Variants in CNTRL observed in about 807,000 individuals in gnomAD.
CNTRL encodes 110 kDa centrosomal protein.
In CNTRL, 233 loss-of-function variants were observed where a neutral mutation model predicts 303.7. That is an observed-to-expected ratio of 0.77 (90% CI 0.69 to 0.86). The LOEUF (loss-of-function observed/expected upper bound fraction) is 0.86, where lower values mean the gene tolerates loss of function less well. Ranked by LOEUF, CNTRL falls within the 40% of genes least tolerant of loss-of-function variation. The pLI is 0.00. For missense variants in CNTRL, 2,524 were observed against 2,650.6 expected (o/e 0.95, Z 1.05); for synonymous variants, 900 against 922.2 (o/e 0.98, Z 0.44).
chr9:121,146,470 T>C (rs2051862999), intron 23 of CNTRL, among the ~76,000 whole-genome samples: 1 of 152,196 alleles, frequency 6.6e-6, no homozygotes, highest in Non-Finnish European at 1.5e-5. Context: ...CGGTATGTGT[T>C]AGGGTCCTTG....
In CNTRL at chr9:121,107,828, C is replaced by A; in HGVS notation, c.835C>A (p.Leu279Ile). ...AGAGGTAGAAAGACTGGAAAGAGACCTAGAAAAAAAGATGATAGAAACTGA... is the reference window on the plus strand; with the variant it reads ...AGAGGTAGAAAGACTGGAAAGAGACATAGAAAAAAAGATGATAGAAACTGA... The part of the protein sequence containing the change: ...LEEVERLERD[L>I]EKKMIETEEL... The change falls in exon 8 of 44, where the codon CTA becomes ATA. Residue 279 changes from leucine (L) to isoleucine (I), a missense_variant. Transcript: ENST00000373855. The A allele has an allele frequency of 2.5e-6, 4 of 1,580,684 alleles. No individual in the cohort carries two copies. Among genetic ancestry groups the A allele is most frequent in the South Asian group, 1.2e-5 (1 of 84,108 alleles).
chr9:121,165,671 A>G (rs1428861421), intron 35 of CNTRL, among the ~76,000 whole-genome samples: 1 of 152,222 alleles, frequency 6.6e-6, no homozygotes, highest in African/African-American at 2.4e-5. Context: ...CTCATTTGTA[A>G]ATAAGGAAAC....
intron 21 of CNTRL, 53 bp downstream of exon 21, chr9:121,145,012 A>G: frequency 6.8e-7 from 1 of 1,461,188 alleles, no homozygotes; most frequent in South Asian, 1.1e-5. Flanking sequence ...ATCAGTTCCT[A>G]AAAGACAAAA....
chr9:121,159,153 GTGT>G, intron 31 of CNTRL, 134 bp downstream of exon 31: 1 of 886,250 alleles, frequency 1.1e-6, no homozygotes, highest in South Asian at 1.8e-5. Context: ...AATCAGTTTG[GTGT>G]TGTTACATAT....
At chr9:121,161,804 G>T in intron 32 of CNTRL, 52 bp from the exon 33 acceptor site, 1 of 1,344,494 alleles carries the variant, frequency 7.4e-7, no homozygotes, top group Non-Finnish European at 1.0e-6. Flanking sequence ...TTTTGTAAAT[G>T]TTTTCCAAGT....
At chr9:121,152,121 C>T in intron 25 of CNTRL, 1 of 195,568 alleles carries the variant, frequency 5.1e-6, no homozygotes, top group Non-Finnish European at 1.1e-5. Flanking sequence ...CTTCAAAACC[C>T]AGGCAAAACA....
chr9:121,177,103 G>A (rs540789450), intron 43 of CNTRL, 60 bp from the exon 44 acceptor site: 113 of 1,395,932 alleles, frequency 8.1e-5, no homozygotes, highest in Non-Finnish European at 1.1e-4. Context: ...CCATCACTTA[G>A]TTAAGACTGT....
chr9:121,136,492 T>C (rs2051202854), intron 15 of CNTRL, among the ~76,000 whole-genome samples: 1 of 152,048 alleles, frequency 6.6e-6, no homozygotes, highest in South Asian at 2.1e-4. Context: ...TGTATGTTAG[T>C]AGAGATGGGG....
At chr9:121,122,306 T>A (rs771785161) in intron 12 of CNTRL, 33 of 611,858 alleles carry the variant, frequency 5.4e-5, no homozygotes, top group Non-Finnish European at 6.3e-5. Context: ...TTTGGGAGTG[T>A]AGGGAAAAGA....
intron 19 of CNTRL, among the ~76,000 whole-genome samples, chr9:121,142,749 C>T (rs913439626): frequency 6.6e-6 from 1 of 152,150 alleles, no homozygotes; most frequent in African/African-American, 2.4e-5. Context: ...AAGTGTCTTG[C>T]TCTGATCATA....
At chr9:121,101,532 G>C (rs1293456047) in intron 7 of CNTRL, among the ~76,000 whole-genome samples, 1 of 151,904 alleles carries the variant, frequency 6.6e-6, no homozygotes, top group Non-Finnish European at 1.5e-5. Flanking sequence ...CTAGCAGAAG[G>C]CAAGATACAA....
Position 121,164,994 on chromosome 9 carries a change from A to AGTCTTCT in CNTRL, c.5475_5476insGTCTTCT (p.Lys1826ValfsTer3). ...GCAAAATGGAGCAATCAAACTTAGA[A>AGTCTTCT]AAGTTGGAATTGAATGTCAGAAAAC... On this transcript the variant is annotated frameshift_variant, in exon 35 of 44. Transcript: ENST00000373855. LOFTEE classifies it high-confidence loss of function. 6.2e-7 allele frequency: 1 copy of AGTCTTCT among 1,612,784 alleles called. No homozygotes were observed. The highest frequency in any genetic ancestry group is 2.2e-5 in the East Asian group (1 of 44,800).
chr9:121,113,164 A>G (rs2049826214), intron 9 of CNTRL, among the ~76,000 whole-genome samples: 1 of 152,306 alleles, frequency 6.6e-6, no homozygotes, highest in Non-Finnish European at 1.5e-5. Flanking sequence ...TATATGAGCC[A>G]AGAAACCAAA....
chr9:121,119,490 C>T (rs6478500), intron 12 of CNTRL, among the ~76,000 whole-genome samples: 132,008 of 151,710 alleles, frequency 0.87, 57,565 homozygotes, highest in East Asian at 0.96. Context: ...GAGACAAGGT[C>T]TCACCATGTT....
intron 43 of CNTRL, 156 bp downstream of exon 43, chr9:121,175,380 C>T (rs2053480099): frequency 1.5e-6 from 1 of 684,006 alleles, no homozygotes; most frequent in East Asian, 2.9e-5. Flanking sequence ...GATCCTCCCA[C>T]CTCAGCCTCC....
chr9:121,159,190 G>A (rs1318861726), intron 31 of CNTRL, among the ~76,000 whole-genome samples, 171 bp downstream of exon 31: 1 of 152,126 alleles, frequency 6.6e-6, no homozygotes, highest in Non-Finnish European at 1.5e-5. Context: ...GTCATGTGTA[G>A]TTCCCCCTCT....
intron 28 of CNTRL, 38 bp from the exon 29 acceptor site, chr9:121,157,702 T>G (rs753617172): frequency 6.2e-6 from 10 of 1,609,188 alleles, no homozygotes; most frequent in Non-Finnish European, 8.5e-6. Flanking sequence ...GCATGGTAAG[T>G]CTACAGGACC....
chr9:121,168,934 A>G (rs577187112), intron 38 of CNTRL, among the ~76,000 whole-genome samples: 27 of 152,210 alleles, frequency 1.8e-4, no homozygotes, highest in Non-Finnish European at 3.1e-4. Context: ...TGATATACCC[A>G]GACCCAATCA....
chr9:121,075,148 G>A (rs2047862393), intron 1 of CNTRL, 81 bp downstream of exon 1: 2 of 353,136 alleles, frequency 5.7e-6, no homozygotes, highest in Admixed American at 7.5e-5. Flanking sequence ...GGGAAGGCCC[G>A]GACCGGGCGT....
Sources: allele counts gnomAD v4.1 joint callset (sites outside exome capture counted in the v4.1 genomes callset), GRCh38; gene constraint gnomAD v4.1.1; transcripts MANE v1.5; gene names NCBI Gene and HGNC (gene_info 2026-07-23, HGNC 2026-07-21).